Variants in PACRG observed in about 807,000 individuals in gnomAD.
PACRG encodes the protein parkin coregulated gene protein.
A neutral mutation model predicts 29.7 loss-of-function variants in PACRG; 29 were observed. That is an observed-to-expected ratio of 0.98 (90% confidence interval 0.73 to 1.33). The LOEUF (loss-of-function observed/expected upper bound fraction) is 1.33. PACRG is among the 40% of genes most tolerant of loss of function. The pLI is 0.00. For synonymous variants in PACRG, 116 were observed against 118.7 expected (o/e 0.98, Z 0.15); for missense variants, 279 against 316.2 (o/e 0.88, Z 0.89).
chr6:162,993,010 T>C (rs1803599399), intron 2 of PACRG, among the ~76,000 whole-genome samples: 2 of 148,610 alleles, frequency 1.3e-5, no homozygotes, highest in Admixed American at 1.3e-4. Flanking sequence ...CCAGTAGTCA[T>C]TCAGGAGCAG....
At position 162,905,283 on chromosome 6, in the gene PACRG, A is replaced by G. The variant is rs183094285; in HGVS notation, c.291+91002A>G. Among the ~76,000 whole-genome samples, 11 of 152,326 alleles carry G rather than the reference A, an allele frequency of 7.2e-5. No homozygotes were observed. In the East Asian group the frequency reaches 2.1e-3, roughly 29 times the overall value. Reference sequence around the variant, plus strand: ...GCTCAGGAGAGCTGCCTGTACTATCACCTGTCATCTGTGTGAATGGAGTGG... The same window carrying G: ...GCTCAGGAGAGCTGCCTGTACTATCGCCTGTCATCTGTGTGAATGGAGTGG... On this transcript the variant is annotated intron_variant, in intron 2 of 4. Transcript: ENST00000366888.
At chr6:163,084,244 A>C (rs1283832525) in intron 3 of PACRG, among the ~76,000 whole-genome samples, 2 of 152,220 alleles carry the variant, frequency 1.3e-5, no homozygotes, top group Non-Finnish European at 2.9e-5. Flanking sequence ...TCAACAAAAG[A>C]ATAAACACAT....
intron 2 of PACRG, among the ~76,000 whole-genome samples, chr6:162,922,354 T>C (rs1027031487): frequency 2.0e-5 from 3 of 151,150 alleles, no homozygotes; most frequent in Non-Finnish European, 4.4e-5. Context: ...TCTAGCTGTC[T>C]GTCTACTCTA....
chr6:162,956,733 A>G (rs1404324073), intron 2 of PACRG, among the ~76,000 whole-genome samples: 1 of 151,876 alleles, frequency 6.6e-6, no homozygotes, highest in African/African-American at 2.4e-5. Context: ...TCTGTTTCCA[A>G]CCTCCTCTGT....
At chr6:162,962,695 G>T (rs537867782) in intron 2 of PACRG, among the ~76,000 whole-genome samples, 66 of 152,320 alleles carry the variant, frequency 4.3e-4, no homozygotes, top group Non-Finnish European at 7.2e-4. Flanking sequence ...CTTGGACTTT[G>T]CAGCCTCCAG....
Position 163,137,231 on chromosome 6 carries a change from A to G in PACRG, c.613+47823A>G, listed in dbSNP as rs1322812510. 2.0e-5 allele frequency among the ~76,000 whole-genome samples: 3 copies of G among 152,200 alleles called. 1 individual carries two copies. Among genetic ancestry groups the G allele is most frequent in the Admixed American group, 2.0e-4 (3 of 15,282 alleles). On this transcript the variant is annotated intron_variant, in intron 4 of 4. Coordinates refer to ENST00000366888, the MANE Select transcript of PACRG (RefSeq NM_001080379.2). The stretch of plus-strand genomic sequence containing the variant: ...CGATGCCTCATTCGTAAGTCTCCCC[A>G]TTCTTTCCAATGTCACACAGACTTT...
intron 4 of PACRG, chr6:163,112,156 T>A: frequency 2.0e-6 from 1 of 509,828 alleles, no homozygotes; most frequent in Non-Finnish European, 2.5e-6. Flanking sequence ...AACAATTGCA[T>A]TGACAGAATC....
rs150653316 is a variant in PACRG, at chr6:163,265,756, G to A, written c.614-49071G>A. Among the ~76,000 whole-genome samples the A allele has an allele frequency of 4.6e-5, 7 of 152,300 alleles. 1 individual carries two copies. The East Asian group carries it at 1.4e-3, about 29-fold the overall frequency. On this transcript the variant is annotated intron_variant, in intron 4 of 4. Coordinates refer to ENST00000366888, the MANE Select transcript of PACRG (RefSeq NM_001080379.2). ...CCTTAAAGCCACAGTTAATTTCTAA[G>A]TAGCTAGTTGACATGTTAATGATCG...
intron 2 of PACRG, among the ~76,000 whole-genome samples, chr6:162,972,204 A>G (rs1801592322): frequency 6.6e-6 from 1 of 152,244 alleles, no homozygotes; most frequent in East Asian, 1.9e-4. Context: ...GGCTTGAGTG[A>G]TGTTTGAGAT....
intron 4 of PACRG, among the ~76,000 whole-genome samples, chr6:163,236,143 C>A (rs575989424): frequency 3.7e-5 from 2 of 54,268 alleles, no homozygotes; most frequent in East Asian, 1.8e-3. Flanking sequence ...GTATGGCATA[C>A]CCTGTATGAA....
At chr6:163,065,420 T>C (rs1406322859) in intron 3 of PACRG, among the ~76,000 whole-genome samples, 2 of 152,108 alleles carry the variant, frequency 1.3e-5, no homozygotes, top group African/African-American at 4.8e-5. Flanking sequence ...GGAGGCAGTG[T>C]CTGGAATCTC....
intron 2 of PACRG, among the ~76,000 whole-genome samples, chr6:163,005,202 T>C (rs563142301): frequency 6.6e-6 from 1 of 152,160 alleles, no homozygotes; most frequent in African/African-American, 2.4e-5. Context: ...TTTGTGATCA[T>C]TTTTGCCAGA....
rs115990091 is a variant in PACRG, at chr6:162,986,764, G to A, written c.292-75386G>A. On this transcript the variant is annotated intron_variant, in intron 2 of 4. Coordinates refer to ENST00000366888, the MANE Select transcript of PACRG (RefSeq NM_001080379.2). ...CTGATTGGATTAATTCGAAAGCCTT[G>A]TCTTTTAACTCTGAAGTTGTTTTTT... is the stretch of plus-strand genomic sequence containing the variant. 5.0e-3 allele frequency among the ~76,000 whole-genome samples: 755 copies of A among 152,166 alleles called. 6 individuals are homozygous for A. The highest frequency in any genetic ancestry group is 0.017 in the African/African-American group (707 of 41,538).
At chr6:163,146,093 T>G (rs1777792338) in intron 4 of PACRG, among the ~76,000 whole-genome samples, 1 of 152,228 alleles carries the variant, frequency 6.6e-6, no homozygotes, top group Admixed American at 6.5e-5. Context: ...CTGACTCTTT[T>G]GAAGTTCAAA....
Position 163,209,069 on chromosome 6 carries a change from T to A in PACRG, c.614-105758T>A, listed in dbSNP as rs773820335. Among the ~76,000 whole-genome samples the A allele has an allele frequency of 2.0e-5, 3 of 152,228 alleles. No homozygotes were observed. In the East Asian group the frequency reaches 5.8e-4, roughly 29 times the overall value. ...CTATAGGCTGGCACTCACATTCATT[T>A]ACTAAATAAGGTCGTGAGCAATATT... On this transcript the variant is annotated intron_variant, in intron 4 of 4. Coordinates refer to ENST00000366888, the MANE Select transcript of PACRG (RefSeq NM_001080379.2).
intron 3 of PACRG, among the ~76,000 whole-genome samples, chr6:163,065,409 A>G (rs1372228912): frequency 6.6e-6 from 1 of 152,196 alleles, no homozygotes; most frequent in Non-Finnish European, 1.5e-5. Flanking sequence ...GAGTGAAACC[A>G]GGAGGCAGTG....
At chr6:163,094,584 T>G (rs1814403320) in intron 4 of PACRG, among the ~76,000 whole-genome samples, 3 of 152,196 alleles carry the variant, frequency 2.0e-5, no homozygotes, top group Admixed American at 2.0e-4. Context: ...CAACCATTAC[T>G]TCCACGAAGG....
At chr6:163,202,454 T>C (rs1057252088) in intron 4 of PACRG, among the ~76,000 whole-genome samples, 1 of 152,182 alleles carries the variant, frequency 6.6e-6, no homozygotes, top group Non-Finnish European at 1.5e-5. Flanking sequence ...TGAGCATACA[T>C]ATGTATGTGT....
At chr6:163,313,305 C>G (rs138546504) in intron 4 of PACRG, among the ~76,000 whole-genome samples, 12 of 151,936 alleles carry the variant, frequency 7.9e-5, no homozygotes, top group African/African-American at 2.9e-4. Context: ...GTGTGACTCA[C>G]AATCTTTTTT....
Sources: allele counts gnomAD v4.1 joint callset (sites outside exome capture counted in the v4.1 genomes callset), GRCh38; gene constraint gnomAD v4.1.1; transcripts MANE v1.5; gene names NCBI Gene and HGNC (gene_info 2026-07-23, HGNC 2026-07-21).